The following AP3B1 variants were observed in gnomAD, a reference collection of about 807,000 sequenced individuals.
AP3B1 encodes AP-3 complex subunit beta-1.
A neutral mutation model predicts 132.5 loss-of-function variants in AP3B1; 61 were observed. The observed-to-expected ratio is 0.46, with a 90% confidence interval of 0.37 to 0.57. The LOEUF (loss-of-function observed/expected upper bound fraction) is 0.57, where lower values mean the gene tolerates loss of function less well. Ranked by LOEUF, AP3B1 falls within the 20% of genes least tolerant of loss-of-function variation. The probability of loss-of-function intolerance (pLI) is 0.00; values close to 1 mark genes in which losing one functional copy is unlikely to be tolerated. For synonymous variants in AP3B1, 388 were observed against 438.3 expected (o/e 0.89, Z 1.43); for missense variants, 1,120 against 1,289.4 (o/e 0.87, Z 2.01).
At chr5:78,220,127 C>CA (rs969273848) in intron 6 of AP3B1, among the ~76,000 whole-genome samples, 1 of 150,576 alleles carries the variant, frequency 6.6e-6, no homozygotes, top group East Asian at 1.9e-4. Flanking sequence ...TACATGTGAC[C>CA]AAAAAAAGGT....
intron 22 of AP3B1, among the ~76,000 whole-genome samples, chr5:78,059,832 C>T (rs1157931594): frequency 6.6e-6 from 1 of 152,130 alleles, no homozygotes; most frequent in African/African-American, 2.4e-5. Context: ...CTAAGACTCC[C>T]TCTTTACCCC....
intron 1 of AP3B1, among the ~76,000 whole-genome samples, chr5:78,286,806 T>C (rs544391949): frequency 1.1e-3 from 168 of 152,302 alleles, no homozygotes; most frequent in Admixed American, 2.2e-3. Context: ...CTATAAACTG[T>C]TCACTTTTGT....
chr5:78,220,877 T>A (rs1746150201), intron 6 of AP3B1, among the ~76,000 whole-genome samples: 1 of 152,070 alleles, frequency 6.6e-6, no homozygotes, highest in Non-Finnish European at 1.5e-5. Context: ...TGGGACCCCA[T>A]CTTTACAAAA....
chr5:78,045,745 G>A (rs1273037987), intron 22 of AP3B1, among the ~76,000 whole-genome samples: 1 of 152,124 alleles, frequency 6.6e-6, no homozygotes, highest in African/African-American at 2.4e-5. Flanking sequence ...AGACAACAAT[G>A]ATTTTATTAG....
chr5:78,119,399 A>C (rs766807921), intron 17 of AP3B1, among the ~76,000 whole-genome samples: 1 of 152,222 alleles, frequency 6.6e-6, no homozygotes, highest in Non-Finnish European at 1.5e-5. Flanking sequence ...TCCAAGCTAC[A>C]GGAGGAAATA....
intron 1 of AP3B1, among the ~76,000 whole-genome samples, chr5:78,277,699 C>A (rs945771369): frequency 1.3e-5 from 2 of 152,078 alleles, no homozygotes; most frequent in Non-Finnish European, 2.9e-5. Context: ...ACATTCCTTA[C>A]CGGTCCATAA....
intron 22 of AP3B1, among the ~76,000 whole-genome samples, chr5:78,081,565 A>AGTTT (rs1170987783): frequency 6.6e-6 from 1 of 152,020 alleles, no homozygotes; most frequent in Admixed American, 6.6e-5. Flanking sequence ...CCAAAGTGCC[A>AGTTT]GGATTACAGG....
At chr5:78,102,753 G>A (rs1173178374) in intron 20 of AP3B1, among the ~76,000 whole-genome samples, 2 of 152,018 alleles carry the variant, frequency 1.3e-5, no homozygotes, top group Non-Finnish European at 2.9e-5. Flanking sequence ...TGTCTTTATG[G>A]AACTGTAACC....
intron 2 of AP3B1, among the ~76,000 whole-genome samples, chr5:78,245,207 G>T (rs1747327092): frequency 6.6e-6 from 1 of 152,186 alleles, no homozygotes; most frequent in African/African-American, 2.4e-5. Flanking sequence ...TTAGATCTGA[G>T]AAGCAGACGT....
intron 24 of AP3B1, among the ~76,000 whole-genome samples, chr5:78,028,937 CT>C (rs1314070014): frequency 6.6e-6 from 1 of 152,130 alleles, no homozygotes; most frequent in Non-Finnish European, 1.5e-5. Flanking sequence ...TGTCATCTTT[CT>C]CCTCTCTAAT....
chr5:78,064,626 T>C (rs953149793), intron 22 of AP3B1, among the ~76,000 whole-genome samples: 5 of 152,160 alleles, frequency 3.3e-5, no homozygotes, highest in African/African-American at 1.2e-4. Context: ...TTTTTAGATC[T>C]GCTCTATTGA....
chr5:78,127,308 T>G (rs1407512281), intron 17 of AP3B1, among the ~76,000 whole-genome samples: 1 of 152,158 alleles, frequency 6.6e-6, no homozygotes, highest in Non-Finnish European at 1.5e-5. Flanking sequence ...CTTTTTTTGT[T>G]AACTCCACAT....
At chr5:78,271,660 T>C (rs1227237779) in intron 1 of AP3B1, among the ~76,000 whole-genome samples, 1 of 152,212 alleles carries the variant, frequency 6.6e-6, no homozygotes, top group East Asian at 1.9e-4. Context: ...ATTATTCCTC[T>C]GTACTTGTGA....
chr5:78,234,184 A>T (rs1746777261), intron 3 of AP3B1, among the ~76,000 whole-genome samples: 1 of 152,104 alleles, frequency 6.6e-6, no homozygotes, highest in African/African-American at 2.4e-5. Flanking sequence ...TATATTCACG[A>T]TTAGACTCTT....
intron 25 of AP3B1, among the ~76,000 whole-genome samples, chr5:78,017,557 A>T (rs1294204986): frequency 6.6e-6 from 1 of 152,096 alleles, no homozygotes; most frequent in Non-Finnish European, 1.5e-5. Flanking sequence ...TAAATGTCTG[A>T]CCATTTAAAG....
At chr5:78,094,896 G>T (rs1750707922) in intron 21 of AP3B1, among the ~76,000 whole-genome samples, 1 of 152,022 alleles carries the variant, frequency 6.6e-6, no homozygotes. Flanking sequence ...GGCCAGGCTG[G>T]TATCAATCTC....
intron 7 of AP3B1, among the ~76,000 whole-genome samples, chr5:78,204,873 T>C (rs1424938335): frequency 6.6e-6 from 1 of 152,222 alleles, no homozygotes; most frequent in Non-Finnish European, 1.5e-5. Flanking sequence ...AATGTTTGAA[T>C]GGTTGCTGTA....
intron 26 of AP3B1, among the ~76,000 whole-genome samples, chr5:78,006,946 TA>T (rs914635102): frequency 7.2e-5 from 11 of 151,890 alleles, no homozygotes; most frequent in South Asian, 2.1e-4. Flanking sequence ...CAAAGCTAAA[TA>T]AAAAAAAGTT....
chr5:78,290,083 T>A (rs1229940901), intron 1 of AP3B1, among the ~76,000 whole-genome samples: 2 of 152,146 alleles, frequency 1.3e-5, no homozygotes, highest in African/African-American at 4.8e-5. Context: ...AAGTACACCA[T>A]CTCATGAGAT....
Sources: gnomAD v4.1 joint callset for allele counts (sites outside exome capture counted in the v4.1 genomes callset) on GRCh38, gnomAD v4.1.1 for gene constraint, MANE v1.5 for transcripts, NCBI Gene and HGNC (gene_info 2026-07-23, HGNC 2026-07-21) for gene names.